AHRR: variants seen among roughly 807,000 people sequenced by gnomAD.
AHRR encodes aryl hydrocarbon receptor repressor, also known as ahR repressor.
AHRR carries 28 observed loss-of-function variants against 44.0 expected under a neutral mutation model. The ratio of observed to expected loss-of-function variants is 0.64; its 90% CI spans 0.47 to 0.87. The LOEUF (loss-of-function observed/expected upper bound fraction) is 0.87, where lower values mean the gene tolerates loss of function less well. Ranked by LOEUF, AHRR falls within the 40% of genes least tolerant of loss-of-function variation. The probability of loss-of-function intolerance (pLI) is 0.00; values close to 1 mark genes in which losing one functional copy is unlikely to be tolerated. For synonymous variants in AHRR, 434 were observed against 407.0 expected, an observed-to-expected ratio of 1.07 and a Z score of -0.80; for missense variants, 990 against 953.9, an observed-to-expected ratio of 1.04 and a Z score of -0.50.
chr5:412,402 G>A (rs180907883), intron 4 of AHRR, among the ~76,000 whole-genome samples: 5 of 152,290 alleles, frequency 3.3e-5, no homozygotes, highest in Non-Finnish European at 5.9e-5. Context: ...CCTTCCAGAA[G>A]CACGTCACCC....
intron 3 of AHRR, among the ~76,000 whole-genome samples, chr5:359,242 TCAGCGAC>T (rs1743084364): frequency 4.6e-5 from 1 of 21,568 alleles, no homozygotes; most frequent in Non-Finnish European, 1.1e-4. Flanking sequence ...ACCCGGGCAG[TCAGCGAC>T]TGAGGAAGAG....
intron 5 of AHRR, among the ~76,000 whole-genome samples, chr5:416,994 C>A (rs888598192): frequency 7.2e-6 from 1 of 138,608 alleles, no homozygotes; most frequent in South Asian, 2.4e-4. Context: ...GGGCCCGAGT[C>A]TAGAGAAGGC....
At chr5:389,854 C>T (rs2126467210) in intron 4 of AHRR, among the ~76,000 whole-genome samples, 1 of 140,102 alleles carries the variant, frequency 7.1e-6, no homozygotes, top group African/African-American at 2.7e-5. Flanking sequence ...CTGGAGGGAA[C>T]AGAGATGCAC....
intron 5 of AHRR, chr5:421,054 C>T (rs975950854): frequency 1.9e-6 from 1 of 524,820 alleles, no homozygotes; most frequent in South Asian, 2.2e-5. Context: ...GGCCTATCCA[C>T]CGCAGCGACT....
intron 2 of AHRR, among the ~76,000 whole-genome samples, chr5:344,407 CGGGGGTGTGTGCGGTATGTGTGAGGCT>C (rs1742497166): frequency 6.5e-5 from 1 of 15,386 alleles, no homozygotes; most frequent in African/African-American, 3.2e-4. Flanking sequence ...GGGAGGGCTG[CGGGGGTGTGTGCGGTATGTGTGAGGCT>C]GTGGGGGGCT....
intron 5 of AHRR, among the ~76,000 whole-genome samples, chr5:415,781 A>C (rs1368976214): frequency 6.6e-6 from 1 of 152,118 alleles, no homozygotes; most frequent in African/African-American, 2.4e-5. Context: ...GCTCGCCCAC[A>C]CTAGTCCCTG....
At chr5:390,415 G>A (rs780559352) in intron 4 of AHRR, among the ~76,000 whole-genome samples, 5 of 152,146 alleles carry the variant, frequency 3.3e-5, no homozygotes, top group East Asian at 1.9e-4. Context: ...TGAAAGCACC[G>A]CACCGACCAA....
chr5:423,843 G>A lies in AHRR; in HGVS notation c.574G>A (p.Asp192Asn), dbSNP rs765433353. The A allele has an allele frequency of 1.2e-6, 2 of 1,601,090 alleles. No homozygotes were observed. The highest frequency in any genetic ancestry group is 1.7e-6 in the Non-Finnish European group (2 of 1,176,958). ...FGQPPPLETG[D>N]DAILGRLLRA... ...CCCTTGGCCCCTATGGTCTGCAGGA[G>A]ATGATGCTATCCTGGGGAGGCTGCT... Residue 192 changes from aspartate (D) to asparagine (N), a missense_variant and splice_region_variant, in exon 7 of 11, where the codon GAT (aspartate) becomes AAT (asparagine). Asp to Asn is a conservative substitution (Grantham distance 23, BLOSUM62 1). Transcript: ENST00000684583.
At chr5:340,483 G>A (rs571725174) in intron 1 of AHRR, among the ~76,000 whole-genome samples, 105 of 150,856 alleles carry the variant, frequency 7.0e-4, no homozygotes, top group African/African-American at 2.5e-3. Context: ...TCACATGGTG[G>A]AGAGAGAGAG....
At chr5:345,125 GAT>G (rs1491570640) in intron 2 of AHRR, among the ~76,000 whole-genome samples, 1 of 20,606 alleles carries the variant, frequency 4.9e-5, no homozygotes, top group Non-Finnish European at 8.7e-5. Context: ...TGTGTGTGGG[GAT>G]GTGTGTGTGT....
At chr5:331,388 G>GA (rs372435899) in intron 1 of AHRR, among the ~76,000 whole-genome samples, 2 of 151,716 alleles carry the variant, frequency 1.3e-5, no homozygotes, top group African/African-American at 4.8e-5. Context: ...TGTGGTATTA[G>GA]TGTTTTCCTT....
In AHRR at chr5:410,719, C is replaced by T. The variant is rs185577643; in HGVS notation, c.352-2625C>T. Among the ~76,000 whole-genome samples, 87 of 152,202 alleles carry T rather than the reference C, an allele frequency of 5.7e-4. 1 individual carries two copies. Among genetic ancestry groups the T allele is most frequent in the African/African-American group, 2.0e-3 (85 of 41,534 alleles). Reference sequence around the variant, plus strand: ...GTTGCTTTGTTTTCAATATACCAGTCGTGCACATCTTTTATTAGATTTATT... The same window carrying T: ...GTTGCTTTGTTTTCAATATACCAGTTGTGCACATCTTTTATTAGATTTATT... On this transcript the variant is annotated intron_variant, in intron 4 of 10. Transcript: ENST00000684583.
At chr5:340,664 T>TTTTATATATATATATATA (rs1371883487) in intron 1 of AHRR, among the ~76,000 whole-genome samples, 2 of 31,958 alleles carry the variant, frequency 6.3e-5, no homozygotes, top group African/African-American at 4.4e-4. Flanking sequence ...CACAGCAATA[T>TTTTATATATATATATATA]TATATATATA....
In AHRR at chr5:411,120, A is replaced by T; in HGVS notation, c.352-2224A>T. ...CTCTGTTAATGGCCTTTATTATTTG[A>T]CTGTTCTAAACCATTTTCATGGATT... On this transcript the variant is annotated intron_variant, in intron 4 of 10. Coordinates refer to ENST00000684583, the MANE Select transcript of AHRR (RefSeq NM_001377236.1). The surrounding 1 kb of genome is among the most constrained non-coding windows in gnomAD (Gnocchi z 4.2). 6.6e-6 allele frequency among the ~76,000 whole-genome samples: 1 copy of T among 151,662 alleles called. No homozygotes were observed. Among genetic ancestry groups the T allele is most frequent in the East Asian group, 1.9e-4 (1 of 5,182 alleles).
At chr5:344,371 T>C (rs1000165264) in intron 2 of AHRR, among the ~76,000 whole-genome samples, 1 of 145,952 alleles carries the variant, frequency 6.9e-6, no homozygotes, top group Admixed American at 6.8e-5. Context: ...GTGGCGAGGC[T>C]ATGCGAGGCT....
intron 2 of AHRR, among the ~76,000 whole-genome samples, chr5:346,222 T>C (rs1427673296): frequency 1.3e-5 from 2 of 152,230 alleles, no homozygotes; most frequent in Non-Finnish European, 2.9e-5. Flanking sequence ...ATGCACATTT[T>C]CTAGTTTATT....
At chr5:390,527 C>T (rs112396401) in intron 4 of AHRR, among the ~76,000 whole-genome samples, 44 of 152,070 alleles carry the variant, frequency 2.9e-4, no homozygotes, top group African/African-American at 7.7e-4. Context: ...AAGCATTTGA[C>T]GTTAACGCTG....
chr5:339,254 A>G (rs1295026027), intron 1 of AHRR, among the ~76,000 whole-genome samples: 2 of 152,170 alleles, frequency 1.3e-5, no homozygotes, highest in Non-Finnish European at 2.9e-5. Flanking sequence ...AGCTGAGACT[A>G]CAGGTGTGTG....
rs1340967060 is a variant in AHRR, at chr5:435,806, G to A, written c.*972G>A. On this transcript the variant is annotated 3_prime_UTR_variant, in exon 11 of 11. Coordinates refer to ENST00000684583, the MANE Select transcript of AHRR (RefSeq NM_001377236.1). ...ATTGCCATCCTAGGAGAATAATTAGGGACAAGACAGACAAGTATTAATAGC... is the reference window on the plus strand; with the variant it reads ...ATTGCCATCCTAGGAGAATAATTAGAGACAAGACAGACAAGTATTAATAGC... The A allele has an allele frequency of 6.6e-6, 1 of 152,554 alleles. No homozygotes were observed. The highest frequency in any genetic ancestry group is 1.5e-5 in the Non-Finnish European group (1 of 68,040). The allele number at this position is 152,554 out of a possible 1,614,324, so 9.5% of individuals were successfully genotyped here.
Sources: allele counts gnomAD v4.1 joint callset (sites outside exome capture counted in the v4.1 genomes callset), GRCh38; gene constraint gnomAD v4.1.1; non-coding constraint Gnocchi (gnomAD v3.1); transcripts MANE v1.5; gene names NCBI Gene and HGNC (gene_info 2026-07-23, HGNC 2026-07-21).